Variants in BABAM2 observed in about 807,000 individuals in gnomAD.
The protein encoded by BABAM2 is BRISC and BRCA1-A complex member 2.
A neutral mutation model predicts 54.7 loss-of-function variants in BABAM2; 31 were observed. That is an observed-to-expected ratio of 0.57 (90% CI 0.43 to 0.77). BABAM2 has a LOEUF of 0.77. Among genes scored for constraint, BABAM2 ranks in the 30% least tolerant of loss-of-function variants. The pLI is 0.00. For synonymous variants in BABAM2, 167 were observed against 162.9 expected, an observed-to-expected ratio of 1.03 and a Z score of -0.19; for missense variants, 364 against 455.8, an observed-to-expected ratio of 0.80 and a Z score of 1.83.
At chr2:28,297,940 A>G (rs1263499855) in intron 10 of BABAM2, among the ~76,000 whole-genome samples, 1 of 152,188 alleles carries the variant, frequency 6.6e-6, no homozygotes, top group East Asian at 1.9e-4. Context: ...TTATGTTATA[A>G]TAGACACTTA....
chr2:28,199,742 G>A (rs1391800831), intron 7 of BABAM2, among the ~76,000 whole-genome samples: 1 of 152,140 alleles, frequency 6.6e-6, no homozygotes, highest in African/African-American at 2.4e-5. Flanking sequence ...TAGGAAGGCA[G>A]CGGTGGGCAG....
At position 27,995,774 on chromosome 2, in the gene BABAM2, G is replaced by A. The variant is rs922938415; in HGVS notation, c.300+7687G>A. On this transcript the variant is annotated intron_variant, in intron 4 of 11. Transcript: ENST00000379624. The surrounding 1 kb of genome is among the most constrained non-coding windows in gnomAD (Gnocchi z 4.1). Reference sequence around the variant, plus strand: ...TTTTTATATTTTTAGTAGAGATGGGGTTTCACCATGTTAGCCAGGATGGTC... The same window carrying A: ...TTTTTATATTTTTAGTAGAGATGGGATTTCACCATGTTAGCCAGGATGGTC... 5.9e-5 allele frequency among the ~76,000 whole-genome samples: 9 copies of A among 152,052 alleles called. No homozygotes were observed. Among genetic ancestry groups the A allele is most frequent in the African/African-American group, 9.7e-5 (4 of 41,374 alleles).
At chr2:27,990,029 T>G (rs1672669753) in intron 4 of BABAM2, among the ~76,000 whole-genome samples, 1 of 152,162 alleles carries the variant, frequency 6.6e-6, no homozygotes, top group Admixed American at 6.6e-5. Context: ...CACAAATGTT[T>G]TGAGAATATA....
chr2:27,912,346 C>T (rs533312871), intron 2 of BABAM2, among the ~76,000 whole-genome samples: 1 of 151,992 alleles, frequency 6.6e-6, no homozygotes, highest in South Asian at 2.1e-4. Context: ...GGCATTGTGG[C>T]ATAATTTCTT....
At chr2:28,047,420 A>G (rs1450486758) in intron 6 of BABAM2, among the ~76,000 whole-genome samples, 1 of 152,216 alleles carries the variant, frequency 6.6e-6, no homozygotes, top group Non-Finnish European at 1.5e-5. Flanking sequence ...CCTGATTTAT[A>G]TAATCCACAA....
chr2:28,109,721 C>T (rs958540951), intron 6 of BABAM2, among the ~76,000 whole-genome samples: 4 of 152,140 alleles, frequency 2.6e-5, no homozygotes, highest in South Asian at 2.1e-4. Context: ...CTGGCTCATC[C>T]GGGGTATATG....
chr2:28,086,773 G>A (rs1298391438), intron 6 of BABAM2, among the ~76,000 whole-genome samples: 1 of 152,154 alleles, frequency 6.6e-6, no homozygotes, highest in African/African-American at 2.4e-5. Flanking sequence ...GCACGACAGT[G>A]CTCTTAAAAA....
At chr2:27,962,861 T>C (rs534072511) in intron 3 of BABAM2, among the ~76,000 whole-genome samples, 2 of 152,348 alleles carry the variant, frequency 1.3e-5, no homozygotes, top group South Asian at 4.1e-4. Flanking sequence ...TCTTGGTAAA[T>C]GCATATGTAG....
intron 7 of BABAM2, among the ~76,000 whole-genome samples, chr2:28,223,436 G>A (rs972136560): frequency 2.0e-5 from 3 of 152,216 alleles, no homozygotes; most frequent in Non-Finnish European, 2.9e-5. Context: ...CACCTGAGCT[G>A]CATCAGCAGA....
chr2:28,008,294 A>G (rs1674119011), intron 4 of BABAM2, among the ~76,000 whole-genome samples: 1 of 152,196 alleles, frequency 6.6e-6, no homozygotes, highest in Admixed American at 6.5e-5. Flanking sequence ...TGATGCATCT[A>G]CCATAAATGA....
intron 6 of BABAM2, among the ~76,000 whole-genome samples, chr2:28,118,842 G>C (rs560739904): frequency 6.6e-6 from 1 of 152,216 alleles, no homozygotes; most frequent in South Asian, 2.1e-4. Context: ...TTCTTCTAGG[G>C]TTTTTATGGT....
chr2:28,269,477 G>T (rs907355570), intron 10 of BABAM2, among the ~76,000 whole-genome samples: 19 of 152,216 alleles, frequency 1.2e-4, no homozygotes, highest in Non-Finnish European at 2.2e-4. Context: ...AACCCAGATA[G>T]TTAGCTCAGC....
chr2:28,293,165 G>A (rs561874446), intron 10 of BABAM2, among the ~76,000 whole-genome samples: 42 of 152,082 alleles, frequency 2.8e-4, no homozygotes, highest in African/African-American at 9.9e-4. Flanking sequence ...TTTTTCTGGA[G>A]AAATCATATA....
Position 28,029,490 on chromosome 2 carries a change from A to G in BABAM2, c.495+4070A>G, listed in dbSNP as rs190878401. On this transcript the variant is annotated intron_variant, in intron 5 of 11. Coordinates refer to ENST00000379624, the MANE Select transcript of BABAM2 (RefSeq NM_199191.3). Reference sequence around the variant, plus strand: ...TGTGACTGCTTATTTCACTTAGCATAATGTCTGAGGTTCATCAATGTTGTA... The same window carrying G: ...TGTGACTGCTTATTTCACTTAGCATGATGTCTGAGGTTCATCAATGTTGTA... Among the ~76,000 whole-genome samples the G allele has an allele frequency of 3.3e-5, 5 of 152,262 alleles. No individual in the cohort carries two copies. The East Asian group carries it at 9.7e-4, about 29-fold the overall frequency.
In BABAM2 at chr2:28,258,622, T is replaced by TTTTTTC. The variant is rs1553352150; in HGVS notation, c.934+13765_934+13766insCTTTTT. On this transcript the variant is annotated intron_variant, in intron 10 of 11. Coordinates refer to ENST00000379624, the MANE Select transcript of BABAM2 (RefSeq NM_199191.3). ...CTTTTTCTTTTTTCTTTTCTTTTTT[T>TTTTTTC]TTTTTTTTTGAGACAGGATGTTGCT... Among the ~76,000 whole-genome samples the TTTTTTC allele has an allele frequency of 1.5e-4, 20 of 136,240 alleles. 1 individual carries two copies. The highest frequency in any genetic ancestry group is 3.8e-4 in the African/African-American group (14 of 37,004). The allele number at this position is 136,240 out of a possible 152,430, so 89.4% of individuals were successfully genotyped here.
At chr2:28,275,129 T>G (rs1248371916) in intron 10 of BABAM2, among the ~76,000 whole-genome samples, 1 of 152,326 alleles carries the variant, frequency 6.6e-6, no homozygotes, top group South Asian at 2.1e-4. Context: ...AATTTTCAGA[T>G]GGACCAGTGA....
At chr2:28,320,798 C>T (rs990568069) in intron 11 of BABAM2, among the ~76,000 whole-genome samples, 2 of 152,224 alleles carry the variant, frequency 1.3e-5, no homozygotes, top group African/African-American at 2.4e-5. Flanking sequence ...TTCCAAGTCC[C>T]GCTCTGCCTT....
intron 5 of BABAM2, among the ~76,000 whole-genome samples, chr2:28,041,706 C>T (rs969324512): frequency 1.3e-5 from 2 of 152,106 alleles, no homozygotes; most frequent in Admixed American, 1.3e-4. Context: ...TTCAGTTCCA[C>T]ATGGTTTGTT....
chr2:28,088,600 A>G (rs1354648840), intron 6 of BABAM2, among the ~76,000 whole-genome samples: 4 of 152,164 alleles, frequency 2.6e-5, no homozygotes, highest in African/African-American at 9.7e-5. Flanking sequence ...GTGTTGCCCA[A>G]CCGTGACCAT....
Sources: allele counts gnomAD v4.1 joint callset (sites outside exome capture counted in the v4.1 genomes callset), GRCh38; gene constraint gnomAD v4.1.1; non-coding constraint Gnocchi (gnomAD v3.1); transcripts MANE v1.5; gene names NCBI Gene and HGNC (gene_info 2026-07-23, HGNC 2026-07-21).